Variants in STXBP5L observed in about 807,000 individuals in gnomAD.
STXBP5L encodes the protein syntaxin-binding protein 5-like.
STXBP5L carries 65 observed loss-of-function variants against 144.5 expected under a neutral mutation model. That is an observed-to-expected ratio of 0.45 (90% CI 0.37 to 0.55). The LOEUF (loss-of-function observed/expected upper bound fraction) is 0.55. Among genes scored for constraint, STXBP5L ranks in the 20% least tolerant of loss-of-function variants. STXBP5L has a pLI of 0.00. For synonymous variants in STXBP5L, 505 were observed against 469.6 expected (o/e 1.08, Z -0.97); for missense variants, 1,298 against 1,405.5 (o/e 0.92, Z 1.22).
chr3:120,961,059 A>G (rs1207570253), intron 3 of STXBP5L, among the ~76,000 whole-genome samples: 1 of 152,108 alleles, frequency 6.6e-6, no homozygotes, highest in East Asian at 1.9e-4. Flanking sequence ...GGTAGGTTGT[A>G]TATGTCTAGA....
chr3:121,025,877 T>C (rs1323573906), intron 3 of STXBP5L, among the ~76,000 whole-genome samples: 2 of 146,740 alleles, frequency 1.4e-5, no homozygotes, highest in Non-Finnish European at 3.0e-5. Context: ...ATATTATAAT[T>C]ATTTATATAT....
chr3:121,309,218 T>C (rs1029534108), intron 19 of STXBP5L, among the ~76,000 whole-genome samples: 2 of 152,106 alleles, frequency 1.3e-5, no homozygotes, highest in Non-Finnish European at 2.9e-5. Context: ...GTGAGACTTT[T>C]TTTTAAAAAA....
chr3:120,955,906 G>A (rs1284279435), intron 3 of STXBP5L, among the ~76,000 whole-genome samples: 1 of 151,904 alleles, frequency 6.6e-6, no homozygotes, highest in Non-Finnish European at 1.5e-5. Context: ...AATTTTTGGC[G>A]ATTGGCCATT....
At chr3:121,023,353 C>G (rs780917840) in intron 3 of STXBP5L, among the ~76,000 whole-genome samples, 1 of 152,094 alleles carries the variant, frequency 6.6e-6, no homozygotes, top group Non-Finnish European at 1.5e-5. Context: ...CAATTATCAT[C>G]TAAATACCAC....
intron 5 of STXBP5L, among the ~76,000 whole-genome samples, chr3:121,059,472 A>C (rs548512698): frequency 6.6e-6 from 1 of 152,224 alleles, no homozygotes; most frequent in Admixed American, 6.5e-5. Context: ...GTTTGGTTCT[A>C]TATGAAATTT....
At chr3:121,093,437 C>T (rs2107744892) in intron 5 of STXBP5L, among the ~76,000 whole-genome samples, 1 of 152,258 alleles carries the variant, frequency 6.6e-6, no homozygotes, top group East Asian at 1.9e-4. Context: ...TTGATTATTG[C>T]CACAATTTCA....
chr3:121,065,014 T>C (rs2041474864), intron 5 of STXBP5L, among the ~76,000 whole-genome samples: 1 of 152,196 alleles, frequency 6.6e-6, no homozygotes, highest in Admixed American at 6.5e-5. Context: ...TGTTCCTACA[T>C]TAATTCTTTT....
rs1299597603 is a variant in STXBP5L, at chr3:121,055,118, T to C, written c.470+9583T>C. On this transcript the variant is annotated intron_variant, in intron 5 of 26. Coordinates refer to ENST00000471454, the MANE Select transcript of STXBP5L (RefSeq NM_001308330.2). ...CACAGGAAGTTTGAAAATGTTTTAA[T>C]GCTTACATTAAAGATAAATGTGATA... Among the ~76,000 whole-genome samples, 6 of 152,290 alleles carry C rather than the reference T, an allele frequency of 3.9e-5. No individual in the cohort carries two copies. In the East Asian group the frequency reaches 9.6e-4, roughly 24 times the overall value.
intron 20 of STXBP5L, among the ~76,000 whole-genome samples, chr3:121,344,794 A>G (rs899499539): frequency 1.3e-5 from 2 of 151,858 alleles, no homozygotes; most frequent in African/African-American, 4.8e-5. Context: ...ACCTTTCATA[A>G]AGGGAAATCA....
At chr3:121,034,104 T>G (rs1426796153) in intron 3 of STXBP5L, among the ~76,000 whole-genome samples, 2 of 152,114 alleles carry the variant, frequency 1.3e-5, no homozygotes, top group Non-Finnish European at 2.9e-5. Context: ...GTTAGTGATA[T>G]AAACAAAACA....
Position 121,313,039 on chromosome 3 carries a change from G to A in STXBP5L, c.2111-5436G>A, listed in dbSNP as rs1206757864. The stretch of plus-strand genomic sequence containing the variant: ...TCCTCACTTCCCAGTAGGGGCGGCC[G>A]GGCAGAAGCGCCCCTCACCTCCCGG... On this transcript the variant is annotated intron_variant, in intron 19 of 26. Coordinates refer to ENST00000471454, the MANE Select transcript of STXBP5L (RefSeq NM_001308330.2). Among the ~76,000 whole-genome samples the A allele has an allele frequency of 6.2e-3, 943 of 151,270 alleles. 9 individuals are homozygous for A. The highest frequency in any genetic ancestry group is 0.01 in the African/African-American group (432 of 41,198).
intron 5 of STXBP5L, among the ~76,000 whole-genome samples, chr3:121,074,349 C>T (rs1035688953): frequency 1.2e-4 from 18 of 152,226 alleles, no homozygotes; most frequent in Middle Eastern, 3.4e-3. Flanking sequence ...ATTTATGGCC[C>T]GCAAATCCTT....
intron 18 of STXBP5L, among the ~76,000 whole-genome samples, chr3:121,274,206 T>C (rs1288808105): frequency 2.6e-5 from 4 of 152,094 alleles, no homozygotes; most frequent in African/African-American, 7.2e-5. Flanking sequence ...ATCTGGTCTT[T>C]TTGAAGTAGA....
At chr3:121,033,546 A>G (rs558689281) in intron 3 of STXBP5L, among the ~76,000 whole-genome samples, 1 of 139,188 alleles carries the variant, frequency 7.2e-6, no homozygotes, top group East Asian at 2.1e-4. Context: ...CAATGTGAAC[A>G]TGTACCCTAA....
At chr3:120,957,932 A>T (rs974636786) in intron 3 of STXBP5L, among the ~76,000 whole-genome samples, 1 of 152,194 alleles carries the variant, frequency 6.6e-6, no homozygotes, top group African/African-American at 2.4e-5. Context: ...GGACATAGAG[A>T]CACAAAAAAC....
At chr3:121,094,589 T>G (rs1464135377) in intron 5 of STXBP5L, among the ~76,000 whole-genome samples, 1 of 151,956 alleles carries the variant, frequency 6.6e-6, no homozygotes, top group African/African-American at 2.4e-5. Flanking sequence ...AGACTAGGAT[T>G]GCAACCCCTG....
At chr3:120,938,921 A>G (rs1710410099) in intron 2 of STXBP5L, among the ~76,000 whole-genome samples, 2 of 151,978 alleles carry the variant, frequency 1.3e-5, no homozygotes, top group Non-Finnish European at 2.9e-5. Context: ...AGCTGGAACT[A>G]CAGGGGCGAA....
intron 3 of STXBP5L, among the ~76,000 whole-genome samples, chr3:120,982,816 G>A (rs1035543775): frequency 6.6e-6 from 1 of 152,190 alleles, no homozygotes; most frequent in Non-Finnish European, 1.5e-5. Context: ...GGGCTAGGCA[G>A]TCCCCCAATT....
At chr3:121,008,330 GC>G (rs1286909482) in intron 3 of STXBP5L, among the ~76,000 whole-genome samples, 1 of 151,952 alleles carries the variant, frequency 6.6e-6, no homozygotes, top group Non-Finnish European at 1.5e-5. Context: ...CCAAGTGGTA[GC>G]CTTAGGTTTA....
Sources: gnomAD v4.1 joint callset for allele counts (sites outside exome capture counted in the v4.1 genomes callset) on GRCh38, gnomAD v4.1.1 for gene constraint, MANE v1.5 for transcripts, NCBI Gene and HGNC (gene_info 2026-07-23, HGNC 2026-07-21) for gene names.